The following CCDC68 variants were observed in gnomAD, a reference collection of about 807,000 sequenced individuals.
CCDC68 encodes the protein coiled-coil domain containing 68, also known as coiled-coil domain-containing protein 68.
Under a neutral mutation model 47.1 loss-of-function variants are expected in CCDC68, and 45 were observed. The observed-to-expected ratio is 0.96, with a 90% CI of 0.75 to 1.23. The LOEUF is 1.23. CCDC68 is among the 50% of genes most tolerant of loss of function. The pLI is 0.00. For missense variants in CCDC68, 353 were observed against 373.6 expected, an observed-to-expected ratio of 0.94 and a Z score of 0.45; for synonymous variants, 131 against 129.5, an observed-to-expected ratio of 1.01 and a Z score of -0.08.
rs1428818797 is a variant in CCDC68, at chr18:54,902,422, C to A, written c.*1936G>T. On this transcript the variant is annotated 3_prime_UTR_variant, in exon 12 of 12. Coordinates refer to ENST00000591504, the MANE Select transcript of CCDC68 (RefSeq NM_025214.3). ...CTGGTCTCCTAGTAAAAGATGGATTCTCTTACTACACTGCAAATACTTAAA... is the reference window on the plus strand; with the variant it reads ...CTGGTCTCCTAGTAAAAGATGGATTATCTTACTACACTGCAAATACTTAAA... The A allele has an allele frequency of 6.6e-6, 1 of 152,200 alleles. No individual in the cohort carries two copies. The highest frequency in any genetic ancestry group is 1.5e-5 in the Non-Finnish European group (1 of 68,028). 9.4% of individuals were successfully genotyped at this position (152,200 alleles called of 1,614,324 possible).
At chr18:54,910,211 A>G (rs1914274945) in intron 10 of CCDC68, among the ~76,000 whole-genome samples, 2 of 152,130 alleles carry the variant, frequency 1.3e-5, no homozygotes, top group Non-Finnish European at 2.9e-5. Context: ...GTGTTCAGCT[A>G]TCAACAGAGA....
chr18:54,940,515 G>A (rs1599079556), intron 4 of CCDC68, among the ~76,000 whole-genome samples: 2 of 152,350 alleles, frequency 1.3e-5, no homozygotes, highest in East Asian at 3.9e-4. Context: ...TGGCTCAGAT[G>A]TGGTTTAGCT....
chr18:54,938,048 C>T lies in CCDC68; in HGVS notation c.254G>A (p.Cys85Tyr), dbSNP rs72928889. The T allele has an allele frequency of 0.032, 51,125 of 1,613,536 alleles. 978 individuals carry two copies. Among genetic ancestry groups the T allele is most frequent in the Non-Finnish European group, 0.038 (44,728 of 1,179,592 alleles). ...QGSDSEMDPSCCSLDLLMKKI... is the reference protein window; with the variant it reads ...QGSDSEMDPSYCSLDLLMKKI... ...TTTCATAAGCAAATCCAAACTGCAACAAGAAGGATCCATTTCAGAATCAGA... is the reference window on the plus strand; with the variant it reads ...TTTCATAAGCAAATCCAAACTGCAATAAGAAGGATCCATTTCAGAATCAGA... The change falls in exon 5 of 12, where the codon TGT becomes TAT. Residue 85 changes from cysteine (C) to tyrosine (Y), a missense_variant. Cys to Tyr is a radical substitution (Grantham distance 194, BLOSUM62 -2). Transcript: ENST00000591504.
At chr18:54,940,182 T>C (rs575148925) in intron 4 of CCDC68, among the ~76,000 whole-genome samples, 1 of 152,048 alleles carries the variant, frequency 6.6e-6, no homozygotes, top group South Asian at 2.1e-4. Context: ...ATGCCCAAAA[T>C]CTCTACCCTG....
chr18:54,927,021 C>CT (rs1381576028), intron 8 of CCDC68, among the ~76,000 whole-genome samples: 2 of 152,286 alleles, frequency 1.3e-5, no homozygotes, highest in Non-Finnish European at 2.9e-5. Context: ...TTTTCTGTCT[C>CT]TTTTTTATGA....
chr18:54,942,062 T>G (rs746954430), intron 3 of CCDC68, among the ~76,000 whole-genome samples: 1 of 152,182 alleles, frequency 6.6e-6, no homozygotes, highest in Non-Finnish European at 1.5e-5. Context: ...CCTCCCAAAG[T>G]GCTGGGATTA....
At chr18:54,948,798 G>A (rs1389367837) in intron 1 of CCDC68, among the ~76,000 whole-genome samples, 1 of 151,772 alleles carries the variant, frequency 6.6e-6, no homozygotes, top group Non-Finnish European at 1.5e-5. Flanking sequence ...AAGCTGATCA[G>A]GGGACCAAGG....
chr18:54,955,600 T>G lies in CCDC68; in HGVS notation c.-103+3736A>C, dbSNP rs1350694750. ...AATAGTTAGCACAAAGCAAGGTCAG[T>G]GGAGATATATAAGAAAACAATTCTG... On this transcript the variant is annotated intron_variant, in intron 1 of 11. Transcript: ENST00000591504. 2.0e-5 allele frequency among the ~76,000 whole-genome samples: 3 copies of G among 152,020 alleles called. No individual in the cohort carries two copies. The East Asian group carries it at 5.8e-4, about 29-fold the overall frequency.
At chr18:54,943,540 A>G (rs2044472235) in intron 2 of CCDC68, among the ~76,000 whole-genome samples, 1 of 152,354 alleles carries the variant, frequency 6.6e-6, no homozygotes, top group East Asian at 1.9e-4. Flanking sequence ...AAATAAACAA[A>G]TAAATATATC....
intron 11 of CCDC68, among the ~76,000 whole-genome samples, chr18:54,906,649 C>A (rs546967770): frequency 3.3e-5 from 5 of 152,310 alleles, no homozygotes; most frequent in African/African-American, 1.2e-4. Flanking sequence ...TAGAATGTCA[C>A]GCTTGCCCTC....
At chr18:54,926,559 A>G (rs1365496565) in intron 8 of CCDC68, among the ~76,000 whole-genome samples, 1 of 152,178 alleles carries the variant, frequency 6.6e-6, no homozygotes, top group Non-Finnish European at 1.5e-5. Context: ...AAACCATATC[A>G]ATCCCAAATA....
Position 54,928,884 on chromosome 18 carries a change from T to A in CCDC68, c.601-2A>T. On this transcript the variant is annotated splice_acceptor_variant, in intron 7 of 11. Coordinates refer to ENST00000591504, the MANE Select transcript of CCDC68 (RefSeq NM_025214.3). LOFTEE classifies it high-confidence loss of function. ...TCTTTCTAGTAGTGTTCTCTTTTCC[T>A]AGGAGAAAATAAGATACAAATTTTG... 1 of 1,583,126 alleles carries A rather than the reference T, an allele frequency of 6.3e-7. No individual in the cohort carries two copies. Among genetic ancestry groups the A allele is most frequent in the Non-Finnish European group, 8.7e-7 (1 of 1,152,548 alleles).
At chr18:54,917,885 C>A in intron 10 of CCDC68, 28 bp downstream of exon 10, 1 of 1,356,266 alleles carries the variant, frequency 7.4e-7, no homozygotes, top group Non-Finnish European at 1.1e-6. Flanking sequence ...ACCCTCACAA[C>A]AAAATGTAAG....
chr18:54,912,883 A>C (rs568982300), intron 10 of CCDC68, among the ~76,000 whole-genome samples: 39 of 152,268 alleles, frequency 2.6e-4, no homozygotes, highest in Middle Eastern at 3.4e-3. Flanking sequence ...AAACCATCAG[A>C]TCTCATGAGA....
intron 2 of CCDC68, among the ~76,000 whole-genome samples, chr18:54,944,536 G>A (rs2044492603): frequency 4.6e-5 from 7 of 152,094 alleles, no homozygotes; most frequent in Admixed American, 3.9e-4. Flanking sequence ...TATGATGACT[G>A]AAGAAAAACC....
At chr18:54,904,908 T>C (rs1201642785) in intron 11 of CCDC68, among the ~76,000 whole-genome samples, 1 of 152,114 alleles carries the variant, frequency 6.6e-6, no homozygotes, top group Non-Finnish European at 1.5e-5. Context: ...CATATATACA[T>C]ATGCATATTT....
At chr18:54,904,814 C>T (rs146979047) in intron 11 of CCDC68, among the ~76,000 whole-genome samples, 1 of 152,012 alleles carries the variant, frequency 6.6e-6, no homozygotes, top group African/African-American at 2.4e-5. Flanking sequence ...TATTTCCTCA[C>T]TGTGTGATTC....
chr18:54,924,981 G>A (rs951407350), intron 8 of CCDC68, among the ~76,000 whole-genome samples: 2 of 152,202 alleles, frequency 1.3e-5, no homozygotes, highest in Admixed American at 6.5e-5. Flanking sequence ...TTTATTACAA[G>A]GGGTAAGCTG....
intron 5 of CCDC68, 100 bp from the exon 6 acceptor site, chr18:54,937,058 T>G: frequency 1.8e-6 from 2 of 1,102,746 alleles, no homozygotes; most frequent in Non-Finnish European, 1.3e-6. Context: ...GGTATAACTA[T>G]ACCATTTACA....
Sources: gnomAD v4.1 joint callset for allele counts (sites outside exome capture counted in the v4.1 genomes callset) on GRCh38, gnomAD v4.1.1 for gene constraint, MANE v1.5 for transcripts, NCBI Gene and HGNC (gene_info 2026-07-23, HGNC 2026-07-21) for gene names.